The following CHRM3 variants were observed in gnomAD, a reference collection of about 807,000 sequenced individuals.
CHRM3 encodes the protein cholinergic receptor muscarinic 3.
In CHRM3, 11 loss-of-function variants were observed where a neutral mutation model predicts 41.8. The ratio of observed to expected loss-of-function variants is 0.26; its 90% CI spans 0.17 to 0.44. The LOEUF is 0.44. Ranked by LOEUF, CHRM3 falls within the 20% of genes least tolerant of loss-of-function variation. The pLI, the probability that CHRM3 is intolerant of heterozygous loss-of-function variation, is 1.00. For missense variants in CHRM3, 571 were observed against 745.4 expected (o/e 0.77, Z 2.72); for synonymous variants, 297 against 301.4 (o/e 0.99, Z 0.15).
intron 1 of CHRM3, among the ~76,000 whole-genome samples, chr1:239,421,204 C>T (rs1237333362): frequency 1.3e-5 from 2 of 152,136 alleles, no homozygotes; most frequent in Non-Finnish European, 1.5e-5. Flanking sequence ...ACAGTTCTGC[C>T]GTATGTTCAC....
At chr1:239,853,092 AATG>A (rs1020519598) in intron 6 of CHRM3, among the ~76,000 whole-genome samples, 1 of 151,858 alleles carries the variant, frequency 6.6e-6, no homozygotes, top group African/African-American at 2.4e-5. Context: ...TTTTAAATTT[AATG>A]ATGTTTATTT....
intron 5 of CHRM3, among the ~76,000 whole-genome samples, chr1:239,682,982 G>A (rs2149104876): frequency 1.3e-5 from 2 of 152,194 alleles, no homozygotes; most frequent in East Asian, 3.9e-4. Context: ...TTTATTTGCA[G>A]TAAGAACATT....
At chr1:239,525,035 C>T (rs16838397) in intron 2 of CHRM3, among the ~76,000 whole-genome samples, 4,554 of 152,080 alleles carry the variant, frequency 0.03, 244 homozygotes, top group African/African-American at 0.1. Flanking sequence ...TCGTGTGTTT[C>T]GCCTCATTTT....
chr1:239,410,872 C>T (rs1661010609), intron 1 of CHRM3, among the ~76,000 whole-genome samples: 1 of 152,196 alleles, frequency 6.6e-6, no homozygotes, highest in African/African-American at 2.4e-5. Context: ...ATAAGAAATT[C>T]TGAGCACGAT....
chr1:239,428,893 T>C (rs192906267), intron 1 of CHRM3, among the ~76,000 whole-genome samples: 56 of 152,334 alleles, frequency 3.7e-4, no homozygotes, highest in African/African-American at 1.2e-3. Context: ...CCATATTACT[T>C]TCTAATCATT....
At chr1:239,484,827 T>C (rs1241717802) in intron 1 of CHRM3, among the ~76,000 whole-genome samples, 1 of 152,170 alleles carries the variant, frequency 6.6e-6, no homozygotes, top group East Asian at 1.9e-4. Flanking sequence ...GTGTACATCT[T>C]CTATCCTTGG....
At chr1:239,783,868 C>T (rs1448003509) in intron 5 of CHRM3, among the ~76,000 whole-genome samples, 1 of 152,136 alleles carries the variant, frequency 6.6e-6, no homozygotes, top group African/African-American at 2.4e-5. Context: ...TTCCACTCTA[C>T]CCACTGTGGT....
chr1:239,860,290 T>C (rs1486290734), intron 6 of CHRM3, among the ~76,000 whole-genome samples: 1 of 152,162 alleles, frequency 6.6e-6, no homozygotes, highest in Non-Finnish European at 1.5e-5. Context: ...TTTATGAAAA[T>C]TCACTGTAAG....
At chr1:239,773,407 A>C (rs192018047) in intron 5 of CHRM3, among the ~76,000 whole-genome samples, 2 of 152,220 alleles carry the variant, frequency 1.3e-5, no homozygotes, top group Admixed American at 6.5e-5. Flanking sequence ...GAGGTCTGGA[A>C]GAAGGTAGTT....
At chr1:239,507,661 ATATGTT>A (rs1361414439) in intron 2 of CHRM3, among the ~76,000 whole-genome samples, 1 of 152,152 alleles carries the variant, frequency 6.6e-6, no homozygotes, top group African/African-American at 2.4e-5. Flanking sequence ...ATTTTCATTG[ATATGTT>A]TATGGCCCTG....
intron 5 of CHRM3, among the ~76,000 whole-genome samples, chr1:239,751,031 C>T (rs1270473904): frequency 2.0e-5 from 3 of 151,906 alleles, no homozygotes; most frequent in African/African-American, 7.3e-5. Flanking sequence ...AGTTTGAGAC[C>T]AGTCTAGCCA....
chr1:239,441,820 T>G (rs1270766795), intron 1 of CHRM3, among the ~76,000 whole-genome samples: 1 of 152,230 alleles, frequency 6.6e-6, no homozygotes, highest in Admixed American at 6.5e-5. Flanking sequence ...TAAAGCTGTT[T>G]GTGTGTGTAA....
At chr1:239,571,328 C>T (rs1661804436) in intron 3 of CHRM3, among the ~76,000 whole-genome samples, 2 of 151,966 alleles carry the variant, frequency 1.3e-5, no homozygotes, top group African/African-American at 4.8e-5. Context: ...AGCAAGGAAA[C>T]AGTGCAAAAA....
chr1:239,645,825 T>C (rs981890392), intron 4 of CHRM3, among the ~76,000 whole-genome samples: 2 of 152,188 alleles, frequency 1.3e-5, no homozygotes, highest in African/African-American at 4.8e-5. Context: ...GTTACTTTCA[T>C]AAAAAATACA....
chr1:239,712,919 AG>A (rs1204432708), intron 5 of CHRM3, among the ~76,000 whole-genome samples: 1 of 152,166 alleles, frequency 6.6e-6, no homozygotes, highest in African/African-American at 2.4e-5. Context: ...TAATTTACCC[AG>A]GATTTAAACA....
chr1:239,662,893 C>CTTCTCCTTCTTCTTCTTCT (rs1553356875), intron 4 of CHRM3, among the ~76,000 whole-genome samples: 2 of 46,352 alleles, frequency 4.3e-5, no homozygotes, highest in African/African-American at 1.6e-4. Flanking sequence ...CTTCCTCCTC[C>CTTCTCCTTCTTCTTCTTCT]TCTTCTTCTT....
intron 5 of CHRM3, among the ~76,000 whole-genome samples, chr1:239,782,485 G>C (rs1668580796): frequency 6.6e-6 from 1 of 151,970 alleles, no homozygotes; most frequent in Non-Finnish European, 1.5e-5. Flanking sequence ...TTAGTAATTT[G>C]AATTCTTACT....
intron 6 of CHRM3, among the ~76,000 whole-genome samples, chr1:239,871,038 G>A (rs556627273): frequency 1.6e-4 from 24 of 152,144 alleles, no homozygotes; most frequent in Non-Finnish European, 2.8e-4. Context: ...GCTTTGAGAC[G>A]TGTTCCCTGC....
chr1:239,802,949 G>A (rs966930801), intron 5 of CHRM3, among the ~76,000 whole-genome samples: 2 of 152,172 alleles, frequency 1.3e-5, no homozygotes, highest in Non-Finnish European at 2.9e-5. Flanking sequence ...GAGGTGCAAG[G>A]AAGCTGCCTC....
Sources: allele counts gnomAD v4.1 joint callset (sites outside exome capture counted in the v4.1 genomes callset), GRCh38; gene constraint gnomAD v4.1.1; transcripts MANE v1.5; gene names NCBI Gene and HGNC (gene_info 2026-07-23, HGNC 2026-07-21).